Variants in ACACB observed in about 807,000 individuals in gnomAD.
The protein encoded by ACACB is acetyl-CoA carboxylase 2.
A neutral mutation model predicts 278.8 loss-of-function variants in ACACB; 209 were observed. That is an observed-to-expected ratio of 0.75 (90% CI 0.67 to 0.84). The LOEUF (loss-of-function observed/expected upper bound fraction) is 0.84. Ranked by LOEUF, ACACB falls within the 40% of genes least tolerant of loss-of-function variation. ACACB has a pLI of 0.00. For missense variants in ACACB, 2,850 were observed against 3,269.0 expected, an observed-to-expected ratio of 0.87 and a Z score of 3.13; for synonymous variants, 1,174 against 1,285.6, an observed-to-expected ratio of 0.91 and a Z score of 1.86.
At chr12:109,116,290 G>C (rs539554496), upstream of ACACB, among the ~76,000 whole-genome samples, 1 of 152,310 alleles carries the variant, frequency 6.6e-6, no homozygotes, top group East Asian at 1.9e-4. Flanking sequence ...CCTGTAGGCA[G>C]TTAATTTTCA....
At chr12:109,252,330 A>C (rs2047119270) in intron 42 of ACACB, 174 bp downstream of exon 42, 1 of 484,256 alleles carries the variant, frequency 2.1e-6, no homozygotes, top group Non-Finnish European at 3.6e-6. Flanking sequence ...GAGAAAAAAA[A>C]AATTAGTTTT....
At position 109,259,075 on chromosome 12, in the gene ACACB, G is replaced by C; in HGVS notation, c.6463G>C (p.Ala2155Pro). Reference protein sequence around the residue: ...NREKLPLMIFANWRGFSGGMK... With the variant: ...NREKLPLMIFPNWRGFSGGMK... The stretch of plus-strand genomic sequence containing the variant: ...GGAGAAGTTGCCCCTGATGATCTTT[G>C]CCAACTGGAGGGGGTTCTCCGGTGG... The change falls in exon 47 of 53, where the codon GCC becomes CCC. Residue 2155 changes from alanine to proline, a missense_variant. Ala to Pro is a conservative substitution (Grantham distance 27). Coordinates refer to ENST00000338432, the MANE Select transcript of ACACB (RefSeq NM_001093.4). 6.2e-7 allele frequency: 1 copy of C among 1,614,048 alleles called. No individual in the cohort carries two copies. Among genetic ancestry groups the C allele is most frequent in the South Asian group, 1.1e-5 (1 of 91,068 alleles).
intron 19 of ACACB, among the ~76,000 whole-genome samples, chr12:109,204,153 A>C (rs1437520309): frequency 6.6e-6 from 1 of 152,070 alleles, no homozygotes; most frequent in Non-Finnish European, 1.5e-5. Context: ...TATTACCTCA[A>C]GCATTTTTCA....
At chr12:109,182,931 A>G (rs980865864) in intron 11 of ACACB, among the ~76,000 whole-genome samples, 5 of 152,128 alleles carry the variant, frequency 3.3e-5, no homozygotes, top group African/African-American at 7.2e-5. Context: ...TCATAATTTC[A>G]GGTCTTAGAT....
intron 1 of ACACB, among the ~76,000 whole-genome samples, chr12:109,117,295 G>T (rs1347282487): frequency 6.7e-6 from 1 of 150,224 alleles, no homozygotes; most frequent in Admixed American, 6.6e-5. Context: ...AGGAGGTGGG[G>T]GTTGCAGTGA....
intron 24 of ACACB, among the ~76,000 whole-genome samples, chr12:109,219,591 G>A (rs941722044): frequency 1.3e-5 from 2 of 152,168 alleles, no homozygotes; most frequent in Non-Finnish European, 2.9e-5. Flanking sequence ...TTCTGTAGTA[G>A]GTGGAAGGGA....
intron 1 of ACACB, among the ~76,000 whole-genome samples, chr12:109,135,696 A>G (rs2042949441): frequency 6.6e-6 from 1 of 151,534 alleles, no homozygotes. Flanking sequence ...TAGGTCTTTG[A>G]TCCATTTTGA....
intron 33 of ACACB, chr12:109,235,857 G>C: frequency 1.9e-6 from 1 of 517,618 alleles, no homozygotes; most frequent in South Asian, 2.6e-5. Context: ...AAATCAGCCT[G>C]GCATTGTGAT....
Position 109,249,965 on chromosome 12 carries a change from C to T in ACACB, c.5670-19C>T. On this transcript the variant is annotated intron_variant, in intron 40 of 52. Coordinates refer to ENST00000338432, the MANE Select transcript of ACACB (RefSeq NM_001093.4). ...TTTGGGGCTAGAGCCCAGCCTTTAA[C>T]CTGTGCTTGCTTTTGAAGATACATG... 1 of 1,607,324 alleles carries T rather than the reference C, an allele frequency of 6.2e-7. No individual in the cohort carries two copies.
Position 109,212,885 on chromosome 12 carries a change from A to C in ACACB, c.3299A>C (p.Asp1100Ala). The C allele has an allele frequency of 6.2e-7, 1 of 1,614,148 alleles. No homozygotes were observed. Among genetic ancestry groups the C allele is most frequent in the Non-Finnish European group, 8.5e-7 (1 of 1,180,004 alleles). ...GCAGCCACCCTGCAGCGGAAGGCTG[A>C]TCGAGAGGTCTTCTTCATCAACACC... Reference protein sequence around the residue: ...CHAATLQRKADREVFFINTQS... With the variant: ...CHAATLQRKAAREVFFINTQS... The change falls in exon 22 of 53, where the codon GAT becomes GCT. Residue 1100 changes from aspartate to alanine, a missense_variant. Around this residue, in one of 3 missense-constraint regions of ACACB, gnomAD observed 2,265 missense variants for 2,561.3 expected, o/e 0.88. Coordinates refer to ENST00000338432, the MANE Select transcript of ACACB (RefSeq NM_001093.4).
At chr12:109,201,031 A>G (rs529243290) in intron 18 of ACACB, among the ~76,000 whole-genome samples, 2 of 152,178 alleles carry the variant, frequency 1.3e-5, no homozygotes, top group South Asian at 4.1e-4. Context: ...AGCAAGAGAG[A>G]TAGCACAGTC....
intron 31 of ACACB, among the ~76,000 whole-genome samples, chr12:109,234,658 G>A (rs1007631945): frequency 1.3e-5 from 2 of 152,124 alleles, no homozygotes; most frequent in African/African-American, 4.8e-5. Flanking sequence ...CGGGGACATG[G>A]ATGAAGCTGG....
chr12:109,210,025 GTA>G (rs1173801166), intron 21 of ACACB, among the ~76,000 whole-genome samples: 2 of 108,292 alleles, frequency 1.8e-5, no homozygotes, highest in Non-Finnish European at 3.7e-5. Flanking sequence ...ACACACGTGT[GTA>G]TATATGTGTA....
chr12:109,245,978 A>G (rs1050097533), intron 38 of ACACB, among the ~76,000 whole-genome samples: 1 of 152,000 alleles, frequency 6.6e-6, no homozygotes, highest in African/African-American at 2.4e-5. Context: ...AGTCCCAGCT[A>G]CTCGAGAGAC....
In ACACB at chr12:109,236,612, G is replaced by A. The variant is rs143833640; in HGVS notation, c.4447-553G>A. Among the ~76,000 whole-genome samples the A allele has an allele frequency of 9.7e-4, 147 of 152,262 alleles. 1 individual carries two copies. The highest frequency in any genetic ancestry group is 1.6e-3 in the Non-Finnish European group (106 of 68,016). On this transcript the variant is annotated intron_variant, in intron 33 of 52. Transcript: ENST00000338432. ...CTGGCCATTTAAGAAAACGTTTACCGATCCCTGTTGTAGAACAGGTAGGTT... is the reference window on the plus strand; with the variant it reads ...CTGGCCATTTAAGAAAACGTTTACCAATCCCTGTTGTAGAACAGGTAGGTT...
In ACACB at chr12:109,266,506, G is replaced by C; in HGVS notation, c.*144G>C. 9.3e-7 allele frequency: 1 copy of C among 1,073,036 alleles called. No individual in the cohort carries two copies. The highest frequency in any genetic ancestry group is 2.0e-5 in the South Asian group (1 of 49,000). The allele number at this position is 1,073,036 out of a possible 1,614,324, so 66.5% of individuals were successfully genotyped here. A position where few individuals can be genotyped will look rare whatever the true frequency, so the allele number is the denominator to read the frequency against. ...TCTGCAGGGCTGCTGGTTCCGAGCTGACACCCGTCTTAACAAAAGGCCCAG... is the reference window on the plus strand; with the variant it reads ...TCTGCAGGGCTGCTGGTTCCGAGCTCACACCCGTCTTAACAAAAGGCCCAG... On this transcript the variant is annotated 3_prime_UTR_variant, in exon 53 of 53. Coordinates refer to ENST00000338432, the MANE Select transcript of ACACB (RefSeq NM_001093.4).
intron 2 of ACACB, 42 bp from the exon 3 acceptor site, chr12:109,166,819 T>A (rs775589789): frequency 6.2e-7 from 1 of 1,613,654 alleles, no homozygotes; most frequent in Non-Finnish European, 8.5e-7. Flanking sequence ...AGTCCCAGGC[T>A]TCTTCCCTCA....
chr12:109,204,763 C>T (rs1442212698), intron 19 of ACACB, among the ~76,000 whole-genome samples: 1 of 152,118 alleles, frequency 6.6e-6, no homozygotes, highest in Non-Finnish European at 1.5e-5. Context: ...TGTCTTTCTG[C>T]CCAGCTTATT....
In ACACB at chr12:109,235,683, G is replaced by A. The variant is rs191799543; in HGVS notation, c.4446+36G>A. 7.3e-5 allele frequency: 115 copies of A among 1,581,298 alleles called. No individual in the cohort carries two copies. The African/African-American group carries it at 1.4e-3, about 20-fold the overall frequency. On this transcript the variant is annotated intron_variant, in intron 33 of 52. Transcript: ENST00000338432. ...AAGTAATGATGTTTTCTCTTCTCTA[G>A]CATCTTGTTTTATTTTTTAAGAGAT...
Sources: gnomAD v4.1 joint callset for allele counts (sites outside exome capture counted in the v4.1 genomes callset) on GRCh38, gnomAD v4.1.1 for gene constraint, gnomAD v4.1.1 regional missense constraint, MANE v1.5 for transcripts, NCBI Gene and HGNC (gene_info 2026-07-23, HGNC 2026-07-21) for gene names.